VPS8: variants seen among roughly 807,000 people sequenced by gnomAD.
VPS8 encodes the protein VPS8 subunit of CORVET complex, also known as vacuolar protein sorting-associated protein 8 homolog.
A neutral mutation model predicts 216.4 loss-of-function variants in VPS8; 129 were observed. The observed-to-expected ratio is 0.60, with a 90% CI of 0.52 to 0.69. The LOEUF (loss-of-function observed/expected upper bound fraction) is 0.69. Ranked by LOEUF, VPS8 falls within the 30% of genes least tolerant of loss-of-function variation. The pLI is 0.00. For missense variants in VPS8, 1,531 were observed against 1,683.5 expected (o/e 0.91, Z 1.59); for synonymous variants, 571 against 565.4 (o/e 1.01, Z -0.14).
chr3:184,852,846 G>C (rs997358700), intron 11 of VPS8, among the ~76,000 whole-genome samples: 1 of 152,096 alleles, frequency 6.6e-6, no homozygotes, highest in Non-Finnish European at 1.5e-5. Context: ...TTCTGGAATA[G>C]CTCACTAATT....
rs753473052 is a variant in VPS8, at chr3:184,994,006, A to G, written c.3609A>G (p.Lys1203=). The G allele has an allele frequency of 1.8e-5, 28 of 1,566,858 alleles. No individual in the cohort carries two copies. The highest frequency in any genetic ancestry group is 2.4e-5 in the Non-Finnish European group (28 of 1,156,858). The change falls in exon 43 of 48, where the codon AAA becomes AAG. Residue 1203 remains lysine (K), a synonymous_variant. Transcript: ENST00000625842. ...ILQDPVYGKG[K]LGEIQGLILG... is the part of the protein sequence containing the mutation. ...AGGATCCAGTTTATGGAAAAGGAAA[A>G]CTTGGAGAAATCCAGGGACTTATCT...
At chr3:184,838,337 A>G (rs892276824) in intron 5 of VPS8, among the ~76,000 whole-genome samples, 5 of 152,186 alleles carry the variant, frequency 3.3e-5, no homozygotes, top group Admixed American at 2.0e-4. Flanking sequence ...CATCTTTAAC[A>G]TGTTTACTTT....
intron 15 of VPS8, 36 bp downstream of exon 15, chr3:184,860,101 T>A (rs371097595): frequency 9.5e-6 from 14 of 1,481,424 alleles, no homozygotes; most frequent in South Asian, 1.2e-5. Flanking sequence ...CCCATTTAGT[T>A]CATGTAATTG....
At chr3:184,910,654 T>G (rs1419708531) in intron 25 of VPS8, among the ~76,000 whole-genome samples, 2 of 152,212 alleles carry the variant, frequency 1.3e-5, no homozygotes, top group Non-Finnish European at 2.9e-5. Context: ...CTTTACCTTT[T>G]GGGATTCCCC....
chr3:184,855,828 AAT>A lies in VPS8; in HGVS notation c.1143+13_1143+14del. The A allele has an allele frequency of 6.3e-7, 1 of 1,585,344 alleles. No homozygotes were observed. The highest frequency in any genetic ancestry group is 8.6e-7 in the Non-Finnish European group (1 of 1,166,606). On this transcript the variant is annotated intron_variant, in intron 14 of 47. Coordinates refer to ENST00000625842, the MANE Select transcript of VPS8 (RefSeq NM_001009921.3). ...TGTTCATTTTCTATTGGTAAGTCCTAATATGACCATTAGAAAGCCTCTTACAA... is the reference window on the plus strand; with the variant it reads ...TGTTCATTTTCTATTGGTAAGTCCTAATGACCATTAGAAAGCCTCTTACAA...
intron 15 of VPS8, 94 bp from the exon 16 acceptor site, chr3:184,862,803 A>T (rs1034893994): frequency 7.7e-5 from 100 of 1,297,336 alleles, no homozygotes; most frequent in Non-Finnish European, 1.0e-4. Flanking sequence ...CAAGTCCTCA[A>T]TGTAATTTAA....
At chr3:185,026,073 T>C (rs1399927027) in intron 46 of VPS8, among the ~76,000 whole-genome samples, 1 of 152,196 alleles carries the variant, frequency 6.6e-6, no homozygotes, top group African/African-American at 2.4e-5. Flanking sequence ...CCTCTTACTT[T>C]ATCATGCTGC....
rs534017934 is a variant in VPS8 at position 184,878,268 on chromosome 3, A to T, written c.1734+7463A>T. Among the ~76,000 whole-genome samples, 3 of 151,934 alleles carry T rather than the reference A, an allele frequency of 2.0e-5. No individual in the cohort carries two copies. The South Asian group carries it at 6.2e-4, about 32-fold the overall frequency. ...TGGGATTACAGGTGCCCGCCACCAC[A>T]CCCAGCTAATTTTTGTACTTTTAGT... On this transcript the variant is annotated intron_variant, in intron 21 of 47. Transcript: ENST00000625842.
chr3:184,957,629 TTA>T, intron 37 of VPS8, 108 bp downstream of exon 37: 42 of 1,312,478 alleles, frequency 3.2e-5, no homozygotes, highest in Non-Finnish European at 4.3e-5. Flanking sequence ...TTTTTAAACC[TTA>T]TAAATTCTTA....
intron 1 of VPS8, among the ~76,000 whole-genome samples, chr3:184,820,227 G>T (rs1030289108): frequency 6.6e-6 from 1 of 152,180 alleles, no homozygotes; most frequent in African/African-American, 2.4e-5. Context: ...AAAATTAAGA[G>T]ATCAAGACGA....
chr3:184,985,041 T>G (rs1203865091), intron 42 of VPS8, among the ~76,000 whole-genome samples: 1 of 152,206 alleles, frequency 6.6e-6, no homozygotes, highest in African/African-American at 2.4e-5. Context: ...TAACTCCCAC[T>G]AATCAGGAAG....
chr3:184,839,700 A>T lies in VPS8; in HGVS notation c.483A>T (p.Ala161=), dbSNP rs1364993286. The T allele has an allele frequency of 1.2e-6, 2 of 1,604,530 alleles. No homozygotes were observed. The highest frequency in any genetic ancestry group is 1.7e-5 in the Admixed American group (1 of 58,766). ...GTAATCTTCCCTTTTGTTTTCAGGC[A>T]GTATCCAGTCTGATAGCAGTGGGTA... ...KVDAGLPTAI[A]VSSLIAVGTS... The change falls in exon 7 of 48, where the codon GCA becomes GCT. Residue 161 remains alanine, a splice_region_variant and synonymous_variant. Transcript: ENST00000625842.
chr3:184,958,876 A>T (rs990449401), intron 37 of VPS8, among the ~76,000 whole-genome samples: 1 of 152,184 alleles, frequency 6.6e-6, no homozygotes, highest in Admixed American at 6.5e-5. Context: ...ACCAAAAATA[A>T]TCAGAGTAAG....
chr3:184,970,510 AG>A (rs1001119592), intron 39 of VPS8, among the ~76,000 whole-genome samples: 50 of 152,212 alleles, frequency 3.3e-4, no homozygotes, highest in Admixed American at 3.1e-3. Flanking sequence ...AAAGACTTGA[AG>A]GATAAATAGG....
At chr3:184,974,279 T>C (rs1004912539) in intron 40 of VPS8, among the ~76,000 whole-genome samples, 1 of 152,208 alleles carries the variant, frequency 6.6e-6, no homozygotes, top group African/African-American at 2.4e-5. Context: ...GACTTTGATT[T>C]ACACTTTCTT....
chr3:184,955,582 G>C (rs1057393950), intron 36 of VPS8, among the ~76,000 whole-genome samples: 1 of 151,834 alleles, frequency 6.6e-6, no homozygotes, highest in Admixed American at 6.6e-5. Flanking sequence ...GTGGTTCCCC[G>C]GGCCCAGCTA....
chr3:185,006,773 G>C (rs1398302501), intron 45 of VPS8, among the ~76,000 whole-genome samples: 1 of 152,190 alleles, frequency 6.6e-6, no homozygotes, highest in African/African-American at 2.4e-5. Context: ...GCCTGTTGCT[G>C]TCTACACCTA....
At chr3:184,972,248 C>T (rs1417387410) in intron 40 of VPS8, among the ~76,000 whole-genome samples, 1 of 152,044 alleles carries the variant, frequency 6.6e-6, no homozygotes, top group African/African-American at 2.4e-5. Flanking sequence ...TTGTTCTCAC[C>T]AAAGGCTTTA....
chr3:185,004,571 A>G (rs1187006063), intron 45 of VPS8, among the ~76,000 whole-genome samples: 1 of 152,140 alleles, frequency 6.6e-6, no homozygotes, highest in Non-Finnish European at 1.5e-5. Flanking sequence ...TTGCAGGAGT[A>G]AAGTGGTGTC....
Sources: gnomAD v4.1 joint callset for allele counts (sites outside exome capture counted in the v4.1 genomes callset) on GRCh38, gnomAD v4.1.1 for gene constraint, MANE v1.5 for transcripts, NCBI Gene and HGNC (gene_info 2026-07-23, HGNC 2026-07-21) for gene names.